Variants in MYSM1 observed in about 807,000 individuals in gnomAD.
MYSM1 encodes Myb like, SWIRM and MPN domains 1.
In MYSM1, 51 loss-of-function variants were observed where a neutral mutation model predicts 116.0. The observed-to-expected ratio is 0.44, with a 90% CI of 0.35 to 0.56. MYSM1 has a LOEUF of 0.56. MYSM1 is among the 20% of genes least tolerant of loss of function. MYSM1 has a pLI of 0.00. For missense variants in MYSM1, 900 were observed against 974.9 expected, an observed-to-expected ratio of 0.92 and a Z score of 1.02; for synonymous variants, 313 against 315.2, an observed-to-expected ratio of 0.99 and a Z score of 0.07.
rs200767936 is a variant in MYSM1 at position 58,655,479 on chromosome 1, C to G, written c.*4518G>C. 6.7e-6 allele frequency: 1 copy of G among 148,458 alleles called. No homozygotes were observed. Among genetic ancestry groups the G allele is most frequent in the Non-Finnish European group, 1.5e-5 (1 of 67,340 alleles). 9.2% of individuals were successfully genotyped at this position (148,458 alleles called of 1,614,324 possible). On this transcript the variant is annotated 3_prime_UTR_variant, in exon 20 of 20. Coordinates refer to ENST00000472487, the MANE Select transcript of MYSM1 (RefSeq NM_001085487.3). ...CTCCCCTGGGATATTTTTATTTTTT[C>G]CTGATTTAGTGGAGGCAACTATTTA... is the stretch of plus-strand genomic sequence containing the variant.
rs146895838 is a variant in MYSM1 at position 58,675,902 on chromosome 1, G to T, written c.1391-322C>A. On this transcript the variant is annotated intron_variant, in intron 9 of 19. Transcript: ENST00000472487. ...TGAAAAGCTAGTCTCAATATTCAAGGCTTTGGGAAAACAAAGACACTGAAA... is the reference window on the plus strand; with the variant it reads ...TGAAAAGCTAGTCTCAATATTCAAGTCTTTGGGAAAACAAAGACACTGAAA... Among the ~76,000 whole-genome samples the T allele has an allele frequency of 1.6e-4, 25 of 152,282 alleles. 1 individual carries two copies. The highest frequency in any genetic ancestry group is 3.1e-4 in the Non-Finnish European group (21 of 68,020).
At chr1:58,680,949 G>C (rs887951852) in intron 8 of MYSM1, among the ~76,000 whole-genome samples, 18 of 151,988 alleles carry the variant, frequency 1.2e-4, no homozygotes, top group African/African-American at 4.3e-4. Flanking sequence ...AGCATCCTGA[G>C]TAGCTGGGAT....
Position 58,660,169 on chromosome 1 carries a change from A to G in MYSM1, c.2329-14T>C. ...ACACTCCAAAAGCTAGTTGAAAAGA[A>G]AAGTTTTATATTTAAATACAGAAAA... On this transcript the variant is annotated splice_polypyrimidine_tract_variant and intron_variant, in intron 19 of 19. Coordinates refer to ENST00000472487, the MANE Select transcript of MYSM1 (RefSeq NM_001085487.3). The G allele has an allele frequency of 6.7e-7, 1 of 1,499,196 alleles. No homozygotes were observed. Among genetic ancestry groups the G allele is most frequent in the Non-Finnish European group, 8.9e-7 (1 of 1,120,964 alleles). 92.9% of individuals were successfully genotyped at this position (1,499,196 alleles called of 1,614,324 possible). A position where few individuals can be genotyped will look rare whatever the true frequency, so the allele number is the denominator to read the frequency against.
chr1:58,675,614 T>C (rs1269291232), intron 9 of MYSM1, 34 bp from the exon 10 acceptor site: 1 of 1,550,964 alleles, frequency 6.4e-7, no homozygotes, highest in African/African-American at 1.4e-5. Context: ...AACCATCTAT[T>C]ATTTTGTGAA....
At chr1:58,695,229 G>A (rs1644957847) in intron 1 of MYSM1, 22 bp from the exon 2 acceptor site, 4 of 1,426,328 alleles carry the variant, frequency 2.8e-6, no homozygotes, top group South Asian at 1.2e-5. Context: ...AAGAAAATGA[G>A]TATATAAGTG....
rs569259184 is a variant in MYSM1, at chr1:58,673,582, T to C, written c.1563A>G (p.Gln521=). ...NWCDAKDLEG[Q]TFEHLSAEEL... is the part of the protein sequence containing the mutation. ...GAAAGGTCAAAGTTACCTCAAACGT[T>C]TGTCCTTCTAAGTCCTTTGCATCAC... The change falls in exon 11 of 20, where the codon CAA becomes CAG. Residue 521 remains glutamine, a synonymous_variant. Transcript: ENST00000472487. The C allele has an allele frequency of 1.2e-4, 190 of 1,614,074 alleles. 1 individual carries two copies. In the South Asian group the frequency reaches 1.9e-3, roughly 16 times the overall value.
At chr1:58,690,839 T>C (rs1644894975) in intron 3 of MYSM1, among the ~76,000 whole-genome samples, 1 of 152,218 alleles carries the variant, frequency 6.6e-6, no homozygotes, top group Non-Finnish European at 1.5e-5. Context: ...TAGGTAAACT[T>C]GGTTGGTTGT....
chr1:58,684,551 C>CTCTGTCTCAAAA, intron 7 of MYSM1, among the ~76,000 whole-genome samples: 1 of 110,552 alleles, frequency 9.0e-6, no homozygotes, highest in Non-Finnish European at 1.7e-5. Context: ...GGCGACAGAG[C>CTCTGTCTCAAAA]AAGACTCTGT....
chr1:58,666,233 C>T (rs1310144354), intron 16 of MYSM1, among the ~76,000 whole-genome samples: 1 of 152,150 alleles, frequency 6.6e-6, no homozygotes, highest in Non-Finnish European at 1.5e-5. Context: ...TAATTGTATT[C>T]ACCACCCTAC....
At chr1:58,674,751 C>T (rs1345148079) in intron 10 of MYSM1, among the ~76,000 whole-genome samples, 1 of 151,806 alleles carries the variant, frequency 6.6e-6, no homozygotes, top group Non-Finnish European at 1.5e-5. Context: ...AGGTGAAACC[C>T]TGTCTCTACT....
intron 9 of MYSM1, among the ~76,000 whole-genome samples, chr1:58,676,145 G>A (rs1644647216): frequency 6.6e-6 from 1 of 152,066 alleles, no homozygotes; most frequent in Non-Finnish European, 1.5e-5. Context: ...GAGGTCAGGC[G>A]CGGTGGCTCA....
chr1:58,676,895 G>A (rs778597012), intron 9 of MYSM1, 31 bp downstream of exon 9: 2 of 1,602,352 alleles, frequency 1.2e-6, no homozygotes, highest in Middle Eastern at 1.7e-4. Context: ...AAAATGTCGA[G>A]TAAAAGATGT....
At chr1:58,661,639 T>A (rs375907539) in intron 17 of MYSM1, 128 bp from the exon 18 acceptor site, 3 of 562,858 alleles carry the variant, frequency 5.3e-6, no homozygotes. Context: ...GAACAGCACT[T>A]TAAACATAGT....
chr1:58,660,821 T>A (rs1338418407), intron 19 of MYSM1, among the ~76,000 whole-genome samples: 1 of 152,110 alleles, frequency 6.6e-6, no homozygotes. Context: ...TTGTTAGATT[T>A]ATACCATCAT....
At chr1:58,678,527 C>T (rs1461200467) in intron 8 of MYSM1, among the ~76,000 whole-genome samples, 3 of 152,034 alleles carry the variant, frequency 2.0e-5, no homozygotes, top group East Asian at 1.9e-4. Flanking sequence ...AATAAGAGTA[C>T]CTTCTATATT....
chr1:58,688,164 CATTTATAT>C (rs1253721519), intron 6 of MYSM1, among the ~76,000 whole-genome samples: 2 of 151,638 alleles, frequency 1.3e-5, no homozygotes, highest in Non-Finnish European at 2.9e-5. Flanking sequence ...ACCTCAAGAT[CATTTATAT>C]ATTTATATAA....
rs758098264 is a variant in MYSM1 at position 58,685,197 on chromosome 1, C to T, written c.454G>A (p.Val152Ile). ...KISKLIGSRT[V>I]LQVKSYARQY... ...CTTGCATAACTCTTCACTTGTAAAACAGTGCGGCTTCCAATTAGCTTTGAA... is the reference window on the plus strand; with the variant it reads ...CTTGCATAACTCTTCACTTGTAAAATAGTGCGGCTTCCAATTAGCTTTGAA... Residue 152 changes from valine to isoleucine, a missense_variant, in exon 7 of 20, where the codon GTT becomes ATT. By Grantham distance (29) the Val-to-Ile change is conservative. Around this residue, in one of 3 missense-constraint regions of MYSM1, gnomAD observed 622 missense variants for 623.7 expected, o/e 1.00. Transcript: ENST00000472487. 1.2e-6 allele frequency: 2 copies of T among 1,609,094 alleles called. No individual in the cohort carries two copies. Among genetic ancestry groups the T allele is most frequent in the Non-Finnish European group, 1.7e-6 (2 of 1,178,490 alleles).
Position 58,700,054 on chromosome 1 carries a change from A to T in MYSM1, c.-2T>A, listed in dbSNP as rs751149580. 6 of 1,613,376 alleles carry T rather than the reference A, an allele frequency of 3.7e-6. No individual in the cohort carries two copies. The East Asian group carries it at 1.3e-4, about 36-fold the overall frequency. ...CACATCCGCCTCTTCAGCCGCCATG[A>T]TGGGACCTGACCCCGTCCGTCCTCC... On this transcript the variant is annotated 5_prime_UTR_variant, in exon 1 of 20. Transcript: ENST00000472487.
chr1:58,696,841 G>A lies in MYSM1; in HGVS notation c.69-1634C>T, dbSNP rs539189481. 5.9e-5 allele frequency among the ~76,000 whole-genome samples: 9 copies of A among 152,258 alleles called. No homozygotes were observed. The East Asian group carries it at 1.7e-3, about 29-fold the overall frequency. On this transcript the variant is annotated intron_variant, in intron 1 of 19. Transcript: ENST00000472487. ...TCAATAAAAATTTGTTGGACTAAAT[G>A]AACAAGGTAGGTAGGGCGTGGATCA... is the stretch of plus-strand genomic sequence containing the variant.
Sources: gnomAD v4.1 joint callset for allele counts (sites outside exome capture counted in the v4.1 genomes callset) on GRCh38, gnomAD v4.1.1 for gene constraint, gnomAD v4.1.1 regional missense constraint, MANE v1.5 for transcripts, NCBI Gene and HGNC (gene_info 2026-07-23, HGNC 2026-07-21) for gene names.